The following SCG5 variants were observed in gnomAD, a reference collection of about 807,000 sequenced individuals.
SCG5 encodes the protein secretogranin V.
Under a neutral mutation model 25.7 loss-of-function variants are expected in SCG5, and 18 were observed. The observed-to-expected ratio is 0.70, with a 90% CI of 0.48 to 1.04. The LOEUF (loss-of-function observed/expected upper bound fraction) is 1.04, where lower values mean the gene tolerates loss of function less well. Among genes scored for constraint, SCG5 ranks in the 50% least tolerant of loss-of-function variants. SCG5 has a pLI of 0.00. For missense variants in SCG5, 206 were observed against 259.8 expected (o/e 0.79, Z 1.42); for synonymous variants, 101 against 91.7 (o/e 1.10, Z -0.58).
chr15:32,681,934 C>A (rs2054627490), intron 3 of SCG5, among the ~76,000 whole-genome samples: 1 of 152,178 alleles, frequency 6.6e-6, no homozygotes, highest in African/African-American at 2.4e-5. Context: ...TTGGATGTGA[C>A]CAAGCCAATG....
chr15:32,676,044 C>A (rs1428802669), intron 2 of SCG5, among the ~76,000 whole-genome samples: 1 of 152,124 alleles, frequency 6.6e-6, no homozygotes, highest in African/African-American at 2.4e-5. Context: ...TATAATGAAC[C>A]AGATAACTGC....
intron 4 of SCG5, among the ~76,000 whole-genome samples, chr15:32,689,325 C>T (rs1003915845): frequency 1.3e-5 from 2 of 152,134 alleles, no homozygotes; most frequent in Non-Finnish European, 2.9e-5. Flanking sequence ...CTCAAGCTTT[C>T]TTTTCTTTCC....
chr15:32,643,935 G>C, intron 2 of SCG5, 117 bp downstream of exon 2: 1 of 852,420 alleles, frequency 1.2e-6, no homozygotes, highest in South Asian at 1.8e-5. Context: ...TTTTTCAGAG[G>C]AGGAAGCTAA....
chr15:32,658,133 A>G (rs2054156248), intron 2 of SCG5, among the ~76,000 whole-genome samples: 1 of 152,156 alleles, frequency 6.6e-6, no homozygotes, highest in East Asian at 1.9e-4. Flanking sequence ...GGCTAAAAGG[A>G]TGTGATACAA....
In SCG5 at chr15:32,696,594, T is replaced by G; in HGVS notation, c.624T>G (p.Asp208Glu). ...KKSVPHFSDE[D>E]KDPE ...CTGTCCCCCATTTTTCAGATGAGGA[T>G]AAGGATCCAGAGTAAAGAGAAGATG... The change falls in exon 6 of 6, where the codon GAT becomes GAG. Residue 208 changes from aspartate to glutamate, a missense_variant. Physicochemically the swap from Asp to Glu is conservative, Grantham distance 45. Transcript: ENST00000300175. The G allele has an allele frequency of 6.2e-7, 1 of 1,611,750 alleles. No individual in the cohort carries two copies. The highest frequency in any genetic ancestry group is 8.5e-7 in the Non-Finnish European group (1 of 1,178,466).
chr15:32,669,466 CT>C (rs2054380173), intron 2 of SCG5, among the ~76,000 whole-genome samples: 1 of 152,184 alleles, frequency 6.6e-6, no homozygotes, highest in African/African-American at 2.4e-5. Context: ...GATACCTCAA[CT>C]TAAGCTCCAC....
At chr15:32,690,002 C>T (rs1395890969) in intron 4 of SCG5, among the ~76,000 whole-genome samples, 10 of 152,088 alleles carry the variant, frequency 6.6e-5, no homozygotes, top group African/African-American at 2.2e-4. Flanking sequence ...CCACCACGCC[C>T]GGCTAATTTT....
chr15:32,678,228 A>C (rs891340921), intron 2 of SCG5, among the ~76,000 whole-genome samples: 3 of 152,208 alleles, frequency 2.0e-5, no homozygotes, highest in Non-Finnish European at 4.4e-5. Context: ...AATATTAAAA[A>C]CGTATGTTAG....
intron 2 of SCG5, among the ~76,000 whole-genome samples, chr15:32,657,653 C>T (rs1472721615): frequency 1.3e-5 from 2 of 152,120 alleles, no homozygotes; most frequent in African/African-American, 2.4e-5. Flanking sequence ...GCTTGCTCTC[C>T]GTGGTTTGAG....
At chr15:32,661,518 G>A (rs2054217623) in intron 2 of SCG5, among the ~76,000 whole-genome samples, 1 of 152,188 alleles carries the variant, frequency 6.6e-6, no homozygotes, top group African/African-American at 2.4e-5. Flanking sequence ...TACTAGGGAG[G>A]CTGAGGCAGG....
chr15:32,684,976 T>C (rs1190282258), intron 4 of SCG5, among the ~76,000 whole-genome samples: 1 of 152,196 alleles, frequency 6.6e-6, no homozygotes, highest in Non-Finnish European at 1.5e-5. Flanking sequence ...CAGTGTTTCA[T>C]GCATCTCTAT....
At chr15:32,676,791 A>G (rs1023956149) in intron 2 of SCG5, among the ~76,000 whole-genome samples, 3 of 152,232 alleles carry the variant, frequency 2.0e-5, no homozygotes, top group African/African-American at 4.8e-5. Flanking sequence ...TGATTTATCA[A>G]TTTATATTTA....
chr15:32,688,958 C>CAAAAAA lies in SCG5; in HGVS notation c.490-2741_490-2736dup, dbSNP rs778404784. On this transcript the variant is annotated intron_variant, in intron 4 of 5. Coordinates refer to ENST00000300175, the MANE Select transcript of SCG5 (RefSeq NM_001144757.3). ...TGGGCAAAAGAGCAAGACTCCGTCT[C>CAAAAAA]AAAAAAAAAAAAAAAAGAAATTAAT... 2.6e-3 allele frequency among the ~76,000 whole-genome samples: 122 copies of CAAAAAA among 46,388 alleles called. 5 individuals are homozygous for CAAAAAA. Among genetic ancestry groups the CAAAAAA allele is most frequent in the South Asian group, 0.024 (36 of 1,480 alleles). The allele number at this position is 46,388 out of a possible 152,430, so 30.4% of individuals were successfully genotyped here.
intron 2 of SCG5, among the ~76,000 whole-genome samples, chr15:32,658,811 C>T (rs1279334398): frequency 1.3e-5 from 2 of 152,172 alleles, no homozygotes; most frequent in African/African-American, 2.4e-5. Flanking sequence ...AATACATGCA[C>T]AGATGGCACC....
At chr15:32,668,415 A>C (rs1425311390) in intron 2 of SCG5, among the ~76,000 whole-genome samples, 2 of 152,216 alleles carry the variant, frequency 1.3e-5, no homozygotes, top group Non-Finnish European at 1.5e-5. Context: ...ACTCAGATGG[A>C]GTCTCCTCGT....
chr15:32,685,466 G>C (rs559363751), intron 4 of SCG5, among the ~76,000 whole-genome samples: 2 of 152,194 alleles, frequency 1.3e-5, no homozygotes, highest in African/African-American at 2.4e-5. Flanking sequence ...CCAAAATGGG[G>C]CTTGTTAAAG....
At chr15:32,657,078 C>T (rs1413007344) in intron 2 of SCG5, among the ~76,000 whole-genome samples, 1 of 150,258 alleles carries the variant, frequency 6.7e-6, no homozygotes, top group Non-Finnish European at 1.5e-5. Context: ...CAGTCCATCT[C>T]ACAGGTTTGA....
In SCG5 at chr15:32,679,946, A is replaced by G; in HGVS notation, c.376+31A>G. 4 of 1,562,342 alleles carry G rather than the reference A, an allele frequency of 2.6e-6. No individual in the cohort carries two copies. The South Asian group carries it at 4.7e-5, about 18-fold the overall frequency. On this transcript the variant is annotated intron_variant, in intron 3 of 5. Coordinates refer to ENST00000300175, the MANE Select transcript of SCG5 (RefSeq NM_001144757.3). The stretch of plus-strand genomic sequence containing the variant: ...AGATATGCCTTTGGGTTCCCATGAA[A>G]AGTTGGGGCTTTGGAAGGAAATCAG...
intron 2 of SCG5, among the ~76,000 whole-genome samples, chr15:32,661,529 A>AGAAT (rs1207707824): frequency 6.6e-6 from 1 of 152,204 alleles, no homozygotes; most frequent in African/African-American, 2.4e-5. Flanking sequence ...CTGAGGCAGG[A>AGAAT]GAATCACTTG....
Sources: allele counts gnomAD v4.1 joint callset (sites outside exome capture counted in the v4.1 genomes callset), GRCh38; gene constraint gnomAD v4.1.1; transcripts MANE v1.5; gene names NCBI Gene and HGNC (gene_info 2026-07-23, HGNC 2026-07-21).